Variants in TVP23A observed in about 807,000 individuals in gnomAD.
TVP23A encodes the protein Golgi apparatus membrane protein TVP23 homolog A.
A neutral mutation model predicts 31.7 loss-of-function variants in TVP23A; 21 were observed. That is an observed-to-expected ratio of 0.66 (90% CI 0.47 to 0.95). The LOEUF (loss-of-function observed/expected upper bound fraction) is 0.95, where lower values mean the gene tolerates loss of function less well. TVP23A is among the 40% of genes least tolerant of loss of function. TVP23A has a pLI of 0.00. For missense variants in TVP23A, 279 were observed against 255.6 expected (o/e 1.09, Z -0.62); for synonymous variants, 104 against 96.0 (o/e 1.08, Z -0.49).
At chr16:10,775,173 C>T (rs2031919906) in intron 2 of TVP23A, 77 bp from the exon 3 acceptor site, 1 of 1,525,220 alleles carries the variant, frequency 6.6e-7, no homozygotes, top group Non-Finnish European at 8.8e-7. Context: ...CCACTTCAGA[C>T]TTTGCTGGGG....
At chr16:10,798,836 G>C (rs1421560387) in intron 2 of TVP23A, among the ~76,000 whole-genome samples, 2 of 151,970 alleles carry the variant, frequency 1.3e-5, no homozygotes, top group African/African-American at 4.8e-5. Context: ...GCTAATTTTT[G>C]TATTTTTAGA....
chr16:10,779,871 T>C lies in TVP23A; in HGVS notation c.90-4775A>G, dbSNP rs2032313388. Among the ~76,000 whole-genome samples, 1 of 152,202 alleles carries C rather than the reference T, an allele frequency of 6.6e-6. No homozygotes were observed. Among genetic ancestry groups the C allele is most frequent in the Admixed American group, 6.5e-5 (1 of 15,280 alleles). ...TGGGAAGCTGAGGCAGGCAGATCAC[T>C]TGAGCTCAGGAGTTCGAGACCAGCC... On this transcript the variant is annotated intron_variant, in intron 2 of 7. Transcript: ENST00000299866. This position sits in a 1 kb window ranked among gnomAD's most constrained non-coding sequence, Gnocchi z 4.9.
At position 10,818,342 on chromosome 16, in the gene TVP23A, G is replaced by A; in HGVS notation, c.9+143C>T. ...CCCTCCGCTGCGGCTGCAGTGCAAA[G>A]CCCTCTCCACCCTCCCGACCACCGG... is the stretch of plus-strand genomic sequence containing the variant. On this transcript the variant is annotated intron_variant, in intron 1 of 7. Transcript: ENST00000299866. This position sits in a 1 kb window ranked among gnomAD's most constrained non-coding sequence, Gnocchi z 4.7. 2.2e-6 allele frequency: 3 copies of A among 1,387,372 alleles called. No homozygotes were observed. In the East Asian group the frequency reaches 7.5e-5, roughly 35 times the overall value. 85.9% of individuals were successfully genotyped at this position (1,387,372 alleles called of 1,614,324 possible). A position where few individuals can be genotyped will look rare whatever the true frequency, so the allele number is the denominator to read the frequency against.
intron 2 of TVP23A, among the ~76,000 whole-genome samples, chr16:10,803,239 G>A (rs552888892): frequency 4.4e-4 from 65 of 146,748 alleles, no homozygotes; most frequent in East Asian, 1.6e-3. Flanking sequence ...AGCCGAGATC[G>A]CGCCACTGTG....
chr16:10,771,464 G>T lies in TVP23A; in HGVS notation c.582+206C>A, dbSNP rs529206415. On this transcript the variant is annotated intron_variant, in intron 6 of 7. Coordinates refer to ENST00000299866, the MANE Select transcript of TVP23A (RefSeq NM_001079512.4). ...GTGGGAGGATCGCTTGAGCCCAAGA[G>T]ATGGAGGTTGCAATAGGCCGCGATC... Among the ~76,000 whole-genome samples the T allele has an allele frequency of 1.2e-3, 177 of 152,312 alleles. 1 individual carries two copies. Among genetic ancestry groups the T allele is most frequent in the African/African-American group, 4.0e-3 (167 of 41,568 alleles).
At chr16:10,806,230 C>A (rs138424310) in intron 2 of TVP23A, among the ~76,000 whole-genome samples, 15 of 152,230 alleles carry the variant, frequency 9.9e-5, no homozygotes, top group Non-Finnish European at 2.1e-4. Flanking sequence ...GTAATCCCAG[C>A]TACTCAGAAG....
rs1000917069 is a variant in TVP23A at position 10,774,098 on chromosome 16, G to A, written c.265C>T (p.Arg89Ter). Residue 89 changes from arginine (R) to a stop codon, truncating the protein, a stop_gained, in exon 4 of 8, where the codon CGA becomes TGA. Coordinates refer to ENST00000299866, the MANE Select transcript of TVP23A (RefSeq NM_001079512.4). LOFTEE classifies it high-confidence loss of function. ...TCTTCATCTATCTGGTTCCACCATC[G>A]AAGGCCCACCAGGAGTCTTCCGGTT... Reference protein sequence around the residue: ...NVTGRLLVGLRWWNQIDEDGK... With the variant: ...NVTGRLLVGL 1.1e-5 allele frequency: 17 copies of A among 1,611,224 alleles called. No individual in the cohort carries two copies. Among genetic ancestry groups the A allele is most frequent in the Admixed American group, 5.0e-5 (3 of 59,686 alleles).
chr16:10,762,147 C>G (rs2030017878), downstream of TVP23A: 1 of 284,826 alleles, frequency 3.5e-6, no homozygotes, highest in Non-Finnish European at 6.7e-6. Flanking sequence ...CTGAGGAGGG[C>G]ACCCGATAGA....
At position 10,818,067 on chromosome 16, in the gene TVP23A, T is replaced by C. The variant is rs2034517847; in HGVS notation, c.89+36A>G. 2 of 1,548,752 alleles carry C rather than the reference T, an allele frequency of 1.3e-6. No individual in the cohort carries two copies. Among genetic ancestry groups the C allele is most frequent in the Non-Finnish European group, 1.8e-6 (2 of 1,131,314 alleles). On this transcript the variant is annotated intron_variant, in intron 2 of 7. Coordinates refer to ENST00000299866, the MANE Select transcript of TVP23A (RefSeq NM_001079512.4). The surrounding 1 kb of genome is among the most constrained non-coding windows in gnomAD (Gnocchi z 4.7). Reference sequence around the variant, plus strand: ...GAGTAAATGAATGAATTTGCAGCTTTGGGGAACGCCTGACCCAAGCTCCAT... The same window carrying C: ...GAGTAAATGAATGAATTTGCAGCTTCGGGGAACGCCTGACCCAAGCTCCAT...
chr16:10,761,563 C>A, exon 9 of TVP23A: 1 of 1,180,528 alleles, frequency 8.5e-7, no homozygotes, highest in Non-Finnish European at 1.2e-6. Context: ...ACTATTTCTG[C>A]TTTCCCTGTC....
downstream of TVP23A, chr16:10,765,226 T>C (rs1033173657): frequency 3.4e-5 from 5 of 147,004 alleles, no homozygotes; most frequent in African/African-American, 1.3e-4. The surrounding 1 kb of genome is among the most constrained non-coding windows in gnomAD (Gnocchi z 4.0). Flanking sequence ...ACCCAAAGTC[T>C]CCTGATACTA....
At position 10,774,995 on chromosome 16, in the gene TVP23A, A is replaced by C. The variant is rs749540539; in HGVS notation, c.191T>G (p.Val64Gly). ...WFSKSFVGCF[V>G]MVLLLLSLDF... is the part of the protein sequence containing the mutation. ...CAGGGACAGGAGGAGCAGCACCATG[A>C]CAAAACAGCCCACAAAGCTCTTGCT... The change falls in exon 3 of 8, where the codon GTC (valine) becomes GGC (glycine). Residue 64 changes from valine to glycine, a missense_variant. Physicochemically the swap from Val to Gly is moderately radical, Grantham distance 109. Transcript: ENST00000299866. 6.2e-7 allele frequency: 1 copy of C among 1,613,058 alleles called. No homozygotes were observed. The highest frequency in any genetic ancestry group is 1.1e-5 in the South Asian group (1 of 90,864).
downstream of TVP23A, chr16:10,765,292 C>T (rs914614763): frequency 3.4e-5 from 5 of 145,580 alleles, no homozygotes; most frequent in South Asian, 6.5e-4. This position sits in a 1 kb window ranked among gnomAD's most constrained non-coding sequence, Gnocchi z 4.0. Flanking sequence ...CAACCATGCT[C>T]TAGCCTGGGT....
chr16:10,786,795 C>G (rs528763632), intron 2 of TVP23A, among the ~76,000 whole-genome samples: 79 of 151,864 alleles, frequency 5.2e-4, no homozygotes, highest in African/African-American at 1.9e-3. Flanking sequence ...TATACTTTTA[C>G]GTAAATTTGA....
chr16:10,772,853 G>A (rs1350291204), intron 5 of TVP23A, among the ~76,000 whole-genome samples: 1 of 152,096 alleles, frequency 6.6e-6, no homozygotes, highest in East Asian at 1.9e-4. Context: ...CTCTGTGACT[G>A]CACTAGAAGC....
chr16:10,758,133 G>T (rs1176677132), downstream of TVP23A: 1 of 1,326,642 alleles, frequency 7.5e-7, no homozygotes, highest in African/African-American at 1.5e-5. Context: ...TCTTCCCAGT[G>T]TGTGTTCCGC....
At chr16:10,766,649 A>C, downstream of TVP23A, 1 of 257,356 alleles carries the variant, frequency 3.9e-6, no homozygotes, top group Non-Finnish European at 7.3e-6. The surrounding 1 kb of genome is among the most constrained non-coding windows in gnomAD (Gnocchi z 4.8). Flanking sequence ...GGTGTCTGGA[A>C]CAAAAAATTG....
rs182921565 is a variant in TVP23A at position 10,771,443 on chromosome 16, G to A, written c.582+227C>T. ...CCAACTGTGCCAGAGGCTGAGGTGG[G>A]AGGATCGCTTGAGCCCAAGAGATGG... is the stretch of plus-strand genomic sequence containing the variant. On this transcript the variant is annotated intron_variant, in intron 6 of 7. Coordinates refer to ENST00000299866, the MANE Select transcript of TVP23A (RefSeq NM_001079512.4). 2.3e-3 allele frequency among the ~76,000 whole-genome samples: 347 copies of A among 152,286 alleles called. 7 individuals are homozygous for A. The highest frequency in any genetic ancestry group is 3.4e-3 in the Middle Eastern group (1 of 294).
intron 5 of TVP23A, among the ~76,000 whole-genome samples, chr16:10,772,173 A>T (rs1660993901): frequency 6.6e-6 from 1 of 152,148 alleles, no homozygotes; most frequent in Non-Finnish European, 1.5e-5. Flanking sequence ...ACCCACGGAC[A>T]CCTCAGAATC....
Sources: allele counts gnomAD v4.1 joint callset (sites outside exome capture counted in the v4.1 genomes callset), GRCh38; gene constraint gnomAD v4.1.1; non-coding constraint Gnocchi (gnomAD v3.1); transcripts MANE v1.5; gene names NCBI Gene and HGNC (gene_info 2026-07-23, HGNC 2026-07-21).